The following NDUFA9 variants were observed in gnomAD, a reference collection of about 807,000 sequenced individuals.
The protein encoded by NDUFA9 is NADH dehydrogenase [ubiquinone] 1 alpha subcomplex subunit 9, mitochondrial.
A neutral mutation model predicts 45.9 loss-of-function variants in NDUFA9; 23 were observed. The ratio of observed to expected loss-of-function variants is 0.50; its 90% CI spans 0.36 to 0.71. NDUFA9 has a LOEUF of 0.71. NDUFA9 is among the 30% of genes least tolerant of loss of function. The probability of loss-of-function intolerance (pLI) is 0.00; values close to 1 mark genes in which losing one functional copy is unlikely to be tolerated. For missense variants in NDUFA9, 466 were observed against 488.2 expected (o/e 0.95, Z 0.43); for synonymous variants, 176 against 170.5 (o/e 1.03, Z -0.25).
chr12:4,651,435 C>T (rs1356192194), intron 1 of NDUFA9, among the ~76,000 whole-genome samples: 2 of 151,954 alleles, frequency 1.3e-5, no homozygotes, highest in African/African-American at 4.8e-5. Context: ...AAACTGTGAG[C>T]TTCATGAAGC....
At chr12:4,671,502 T>C (rs2137477083) in intron 8 of NDUFA9, among the ~76,000 whole-genome samples, 1 of 152,132 alleles carries the variant, frequency 6.6e-6, no homozygotes, top group East Asian at 1.9e-4. Flanking sequence ...AATGAGTCAG[T>C]ATGATTAAAA....
Position 4,649,196 on chromosome 12 carries a change from C to T in NDUFA9, c.49+21C>T, listed in dbSNP as rs755232527. The T allele has an allele frequency of 3.8e-6, 6 of 1,596,974 alleles. No homozygotes were observed. The Admixed American group carries it at 5.2e-5, about 14-fold the overall frequency. ...GTCACGTAAGTGTTACCGGGAACGG[C>T]GGCCCCTGGTCGGGATTCCGAGACG... On this transcript the variant is annotated intron_variant, in intron 1 of 10. Coordinates refer to ENST00000266544, the MANE Select transcript of NDUFA9 (RefSeq NM_005002.5).
chr12:4,652,142 T>A (rs1281355941), intron 1 of NDUFA9, among the ~76,000 whole-genome samples: 1 of 152,230 alleles, frequency 6.6e-6, no homozygotes, highest in Non-Finnish European at 1.5e-5. Flanking sequence ...GATAATTCTT[T>A]GCCTTTTCTC....
At chr12:4,672,227 T>C (rs2137477680) in intron 8 of NDUFA9, among the ~76,000 whole-genome samples, 1 of 152,300 alleles carries the variant, frequency 6.6e-6, no homozygotes, top group South Asian at 2.1e-4. Context: ...CCCATGGTCT[T>C]TGCAATCCGC....
chr12:4,686,924 T>G lies in NDUFA9; in HGVS notation c.964-14T>G. On this transcript the variant is annotated splice_polypyrimidine_tract_variant and intron_variant, in intron 10 of 10. Coordinates refer to ENST00000266544, the MANE Select transcript of NDUFA9 (RefSeq NM_005002.5). Reference sequence around the variant, plus strand: ...AGTTTTCAGCATTGTCTGTGGTCCTTTGTTTATCCAAAGATGCACATCACA... The same window carrying G: ...AGTTTTCAGCATTGTCTGTGGTCCTGTGTTTATCCAAAGATGCACATCACA... The G allele has an allele frequency of 6.2e-7, 1 of 1,612,420 alleles. No individual in the cohort carries two copies. The highest frequency in any genetic ancestry group is 8.5e-7 in the Non-Finnish European group (1 of 1,179,024).
intron 8 of NDUFA9, among the ~76,000 whole-genome samples, chr12:4,681,149 A>G (rs1179403569): frequency 6.6e-6 from 1 of 152,174 alleles, no homozygotes; most frequent in Non-Finnish European, 1.5e-5. Context: ...AGTAAAAAAA[A>G]AATCTTTTTT....
At chr12:4,668,614 ACT>A (rs372555061) in intron 7 of NDUFA9, 90 bp downstream of exon 7, 3 of 1,188,952 alleles carry the variant, frequency 2.5e-6, no homozygotes, top group Admixed American at 1.7e-5. Context: ...TAATTTAGTA[ACT>A]CTGTCATTTT....
At chr12:4,676,905 A>T (rs139178692) in intron 8 of NDUFA9, among the ~76,000 whole-genome samples, 117 of 152,338 alleles carry the variant, frequency 7.7e-4, no homozygotes, top group African/African-American at 2.7e-3. Flanking sequence ...AAACTATACT[A>T]CAAGGCTACA....
intron 5 of NDUFA9, among the ~76,000 whole-genome samples, chr12:4,661,606 C>T (rs1945823401): frequency 1.3e-5 from 2 of 150,924 alleles, no homozygotes; most frequent in Non-Finnish European, 2.9e-5. Flanking sequence ...ACAATATTGG[C>T]AAGAGAGTGA....
At chr12:4,674,053 A>G (rs1945903771) in intron 8 of NDUFA9, among the ~76,000 whole-genome samples, 1 of 152,220 alleles carries the variant, frequency 6.6e-6, no homozygotes, top group African/African-American at 2.4e-5. Context: ...CTAGAATTTC[A>G]CATCTGGCCA....
intron 9 of NDUFA9, chr12:4,685,026 T>G: frequency 1.6e-6 from 1 of 636,446 alleles, no homozygotes; most frequent in Non-Finnish European, 2.8e-6. Context: ...TGTTGTTTCT[T>G]TGGAGGAGAA....
chr12:4,664,537 C>T (rs1228948141), intron 6 of NDUFA9, among the ~76,000 whole-genome samples: 1 of 152,250 alleles, frequency 6.6e-6, no homozygotes, highest in Non-Finnish European at 1.5e-5. Flanking sequence ...TTAAACACCA[C>T]ATGGCCTTTG....
At position 4,659,802 on chromosome 12, in the gene NDUFA9, C is replaced by A. The variant is rs78801875; in HGVS notation, c.552+625C>A. ...ACATTTGGATTCTGCCATATGGAAGCCTGTTTGGAGTCATACTGATAAGGA... is the reference window on the plus strand; with the variant it reads ...ACATTTGGATTCTGCCATATGGAAGACTGTTTGGAGTCATACTGATAAGGA... On this transcript the variant is annotated intron_variant, in intron 5 of 10. Coordinates refer to ENST00000266544, the MANE Select transcript of NDUFA9 (RefSeq NM_005002.5). 3.5e-3 allele frequency among the ~76,000 whole-genome samples: 532 copies of A among 152,194 alleles called. 2 individuals are homozygous for A. Among genetic ancestry groups the A allele is most frequent in the African/African-American group, 0.012 (512 of 41,524 alleles).
At chr12:4,673,045 A>G (rs956642305) in intron 8 of NDUFA9, among the ~76,000 whole-genome samples, 1 of 152,180 alleles carries the variant, frequency 6.6e-6, no homozygotes, top group African/African-American at 2.4e-5. Flanking sequence ...ACAGGCAACA[A>G]TCTTTGCTGT....
rs1472778922 is a variant in NDUFA9, at chr12:4,692,096, T to G, written c.*4988T>G. 1.3e-5 allele frequency: 2 copies of G among 152,144 alleles called. No homozygotes were observed. The highest frequency in any genetic ancestry group is 6.5e-5 in the Admixed American group (1 of 15,270). The allele number at this position is 152,144 out of a possible 1,614,324, so 9.4% of individuals were successfully genotyped here. A position where few individuals can be genotyped will look rare whatever the true frequency, so the allele number is the denominator to read the frequency against. Reference sequence around the variant, plus strand: ...GTCTCAAAGGGGAACTCAAATAATTTATAATTTTAAGTTTTCTGATGCTCT... The same window carrying G: ...GTCTCAAAGGGGAACTCAAATAATTGATAATTTTAAGTTTTCTGATGCTCT... On this transcript the variant is annotated 3_prime_UTR_variant, in exon 11 of 11. Coordinates refer to ENST00000266544, the MANE Select transcript of NDUFA9 (RefSeq NM_005002.5).
At chr12:4,659,220 G>A (rs774220288) in intron 5 of NDUFA9, 43 bp downstream of exon 5, 1 of 1,542,356 alleles carries the variant, frequency 6.5e-7, no homozygotes. Context: ...CAGAGCCAGA[G>A]TTTCTTGGGC....
chr12:4,674,458 T>A (rs902709637), intron 8 of NDUFA9, among the ~76,000 whole-genome samples: 2 of 151,770 alleles, frequency 1.3e-5, no homozygotes, highest in African/African-American at 4.8e-5. Context: ...ACACATAGGC[T>A]CAAAATAAAG....
intron 10 of NDUFA9, among the ~76,000 whole-genome samples, chr12:4,686,197 G>T (rs1945985445): frequency 6.6e-6 from 1 of 152,248 alleles, no homozygotes; most frequent in African/African-American, 2.4e-5. Context: ...CTGGCTTACA[G>T]CCCTCTGGTA....
In NDUFA9 at chr12:4,693,121, T is replaced by TA. The variant is rs936633697; in HGVS notation, c.*6020dup. The TA allele has an allele frequency of 4.6e-5, 7 of 152,136 alleles. No homozygotes were observed. Among genetic ancestry groups the TA allele is most frequent in the Non-Finnish European group, 7.3e-5 (5 of 68,050 alleles). The allele number at this position is 152,136 out of a possible 1,614,324, so 9.4% of individuals were successfully genotyped here. A position where few individuals can be genotyped will look rare whatever the true frequency, so the allele number is the denominator to read the frequency against. Reference sequence around the variant, plus strand: ...GCAACAGAGTGAAACCCCATCTCTTTAAAAAAATAAAGCACTTGAAGCAGA... The same window carrying TA: ...GCAACAGAGTGAAACCCCATCTCTTTAAAAAAAATAAAGCACTTGAAGCAGA... On this transcript the variant is annotated 3_prime_UTR_variant, in exon 11 of 11. Coordinates refer to ENST00000266544, the MANE Select transcript of NDUFA9 (RefSeq NM_005002.5).
Sources: allele counts gnomAD v4.1 joint callset (sites outside exome capture counted in the v4.1 genomes callset), GRCh38; gene constraint gnomAD v4.1.1; transcripts MANE v1.5; gene names NCBI Gene and HGNC (gene_info 2026-07-23, HGNC 2026-07-21).